Variants in IL1RL1 observed in about 807,000 individuals in gnomAD.
IL1RL1 encodes the protein interleukin 1 receptor like 1.
IL1RL1 carries 32 observed loss-of-function variants against 50.9 expected under a neutral mutation model. The ratio of observed to expected loss-of-function variants is 0.63; its 90% CI spans 0.47 to 0.84. The LOEUF (loss-of-function observed/expected upper bound fraction) is 0.84. Ranked by LOEUF, IL1RL1 falls within the 40% of genes least tolerant of loss-of-function variation. The pLI, the probability that IL1RL1 is intolerant of heterozygous loss-of-function variation, is 0.00. For synonymous variants in IL1RL1, 275 were observed against 236.0 expected (o/e 1.17, Z -1.51); for missense variants, 773 against 662.9 (o/e 1.17, Z -1.82).
Position 102,349,239 on chromosome 2 carries a change from T to G in IL1RL1, c.1278T>G (p.Pro426=). 1 of 1,613,200 alleles carries G rather than the reference T, an allele frequency of 6.2e-7. No individual in the cohort carries two copies. Among genetic ancestry groups the G allele is most frequent in the Non-Finnish European group, 8.5e-7 (1 of 1,179,194 alleles). The change falls in exon 10 of 11, where the codon CCT becomes CCG. Residue 426 remains proline, a synonymous_variant. Coordinates refer to ENST00000233954, the MANE Select transcript of IL1RL1 (RefSeq NM_016232.5). ...GCATTTATGGGAGAGATATGCTACC[T>G]GGAGAAGGTAAAGCTATTGACATAC... ...TLCIYGRDML[P]GEDVVTAVET...
chr2:102,336,149 C>G lies in IL1RL1; in HGVS notation c.-149-1967C>G, dbSNP rs78729543. ...ATAACTCTCCCTTTTGCAGCTACTCCTTTCTGAACCTTCCACAAGCAGTGG... is the reference window on the plus strand; with the variant it reads ...ATAACTCTCCCTTTTGCAGCTACTCGTTTCTGAACCTTCCACAAGCAGTGG... On this transcript the variant is annotated intron_variant, in intron 1 of 10. Coordinates refer to ENST00000233954, the MANE Select transcript of IL1RL1 (RefSeq NM_016232.5). 9.6e-3 allele frequency among the ~76,000 whole-genome samples: 1,460 copies of G among 152,270 alleles called. 29 individuals carry two copies. The highest frequency in any genetic ancestry group is 0.034 in the African/African-American group (1,404 of 41,538).
intron 1 of IL1RL1, among the ~76,000 whole-genome samples, chr2:102,311,837 AT>A (rs1273961657): frequency 7.6e-4 from 61 of 80,678 alleles, no homozygotes; most frequent in African/African-American, 3.0e-3. Context: ...TATATATTAT[AT>A]AATTGTAATA....
downstream of IL1RL1, chr2:102,352,101 A>C: frequency 1.7e-6 from 1 of 583,712 alleles, no homozygotes; most frequent in Non-Finnish European, 2.9e-6. Flanking sequence ...ATGGCCAGAA[A>C]TTTTTCTCCT....
At chr2:102,344,815 T>G (rs992690336) in intron 8 of IL1RL1, 4 of 939,044 alleles carry the variant, frequency 4.3e-6, no homozygotes, top group African/African-American at 3.5e-5. Context: ...TATATTTATG[T>G]TTGGTAAATT....
chr2:102,331,583 T>A (rs1043102985), intron 1 of IL1RL1, among the ~76,000 whole-genome samples: 1 of 152,152 alleles, frequency 6.6e-6, no homozygotes, highest in African/African-American at 2.4e-5. Context: ...GCCCAGGAGT[T>A]CCCATGGGAC....
Position 102,351,617 on chromosome 2 carries a change from A to T in IL1RL1, c.1367A>T (p.Lys456Met). The T allele has an allele frequency of 6.2e-7, 1 of 1,614,096 alleles. No homozygotes were observed. The highest frequency in any genetic ancestry group is 8.5e-7 in the Non-Finnish European group (1 of 1,179,988). Residue 456 changes from lysine (K) to methionine (M), a missense_variant, in exon 11 of 11, where the codon AAG becomes ATG. Coordinates refer to ENST00000233954, the MANE Select transcript of IL1RL1 (RefSeq NM_016232.5). ...FILTPQITHN[K>M]EFAYEQEVAL... Reference sequence around the variant, plus strand: ...CTGACCCCTCAGATCACTCACAATAAGGAGTTTGCCTACGAGCAGGAGGTT... The same window carrying T: ...CTGACCCCTCAGATCACTCACAATATGGAGTTTGCCTACGAGCAGGAGGTT...
At chr2:102,351,102 AG>A (rs1263700836) in intron 10 of IL1RL1, among the ~76,000 whole-genome samples, 2 of 152,188 alleles carry the variant, frequency 1.3e-5, no homozygotes, top group Non-Finnish European at 2.9e-5. Context: ...GACAATTTTG[AG>A]GGGCAAAGCT....
intron 1 of IL1RL1, among the ~76,000 whole-genome samples, chr2:102,323,275 T>TATATATATATATATATA (rs1559596435): frequency 2.0e-3 from 58 of 28,628 alleles, no homozygotes; most frequent in African/African-American, 7.0e-3. Context: ...ATATATATAG[T>TATATATATATATATATA]GTGTGTGTGT....
chr2:102,326,439 AT>A (rs1677001706), intron 1 of IL1RL1, among the ~76,000 whole-genome samples: 1 of 152,136 alleles, frequency 6.6e-6, no homozygotes, highest in Non-Finnish European at 1.5e-5. Flanking sequence ...AAGAAAATGC[AT>A]CAACTAACGA....
intron 1 of IL1RL1, among the ~76,000 whole-genome samples, chr2:102,326,808 C>A (rs927334570): frequency 2.0e-5 from 3 of 152,256 alleles, no homozygotes; most frequent in Middle Eastern, 6.8e-3. Context: ...AGCTAACTAT[C>A]CTAAATATAT....
At chr2:102,344,487 G>C (rs1434918962) in intron 8 of IL1RL1, 1 of 397,698 alleles carries the variant, frequency 2.5e-6, no homozygotes, top group African/African-American at 2.2e-5. Context: ...AGCCTTTCTT[G>C]GCCCTCAGTT....
intron 1 of IL1RL1, among the ~76,000 whole-genome samples, chr2:102,311,853 ATATAAT>A (rs1402385474): frequency 1.9e-5 from 1 of 53,328 alleles, no homozygotes; most frequent in African/African-American, 6.6e-5. Flanking sequence ...GTAATATATA[ATATAAT>A]TATATAATAT....
At chr2:102,327,616 AT>A (rs1248316154) in intron 1 of IL1RL1, among the ~76,000 whole-genome samples, 1 of 152,252 alleles carries the variant, frequency 6.6e-6, no homozygotes, top group African/African-American at 2.4e-5. Context: ...AGCAAGACTA[AT>A]AAAGAAGAAA....
chr2:102,332,195 C>T (rs945860925), intron 1 of IL1RL1, among the ~76,000 whole-genome samples: 2 of 152,052 alleles, frequency 1.3e-5, no homozygotes, highest in Non-Finnish European at 2.9e-5. Context: ...GGTCATATTC[C>T]AATGGATAAA....
chr2:102,345,746 T>A (rs948840798), intron 8 of IL1RL1: 2 of 985,254 alleles, frequency 2.0e-6, no homozygotes, highest in South Asian at 9.4e-5. Context: ...AGTGCCGTAG[T>A]GTTCTGTGGG....
In IL1RL1 at chr2:102,339,052, T is replaced by C. The variant is rs1420305425; in HGVS notation, c.272+5T>C. On this transcript the variant is annotated splice_donor_5th_base_variant and intron_variant, in intron 3 of 10. Coordinates refer to ENST00000233954, the MANE Select transcript of IL1RL1 (RefSeq NM_016232.5). ...TTATACCTGTATTGTCAGAAGGTAT[T>C]ATGCAGAAGGCTCCCATCTTCTTTC... The C allele has an allele frequency of 1.3e-6, 2 of 1,595,288 alleles. No individual in the cohort carries two copies. Among genetic ancestry groups the C allele is most frequent in the South Asian group, 2.2e-5 (2 of 90,778 alleles).
intron 1 of IL1RL1, among the ~76,000 whole-genome samples, chr2:102,317,707 C>T (rs139510626): frequency 6.6e-6 from 1 of 151,958 alleles, no homozygotes; most frequent in African/African-American, 2.4e-5. Context: ...GAAAGTTGAT[C>T]CTCATATAAA....
At chr2:102,340,552 A>T in intron 4 of IL1RL1, 114 bp from the exon 5 acceptor site, 1 of 1,062,708 alleles carries the variant, frequency 9.4e-7, no homozygotes, top group Non-Finnish European at 1.4e-6. Context: ...GGCAGAGGTT[A>T]CAGCGAGCCC....
At chr2:102,312,112 AT>A (rs1411323265) in intron 1 of IL1RL1, among the ~76,000 whole-genome samples, 1 of 107,118 alleles carries the variant, frequency 9.3e-6, no homozygotes, top group African/African-American at 3.6e-5. Context: ...TATAATATAT[AT>A]AATATTATAT....
Sources: allele counts gnomAD v4.1 joint callset (sites outside exome capture counted in the v4.1 genomes callset), GRCh38; gene constraint gnomAD v4.1.1; transcripts MANE v1.5; gene names NCBI Gene and HGNC (gene_info 2026-07-23, HGNC 2026-07-21).